Variants in DCAF7 observed in about 807,000 individuals in gnomAD.
DCAF7 encodes the protein DDB1- and CUL4-associated factor 7.
DCAF7 carries 4 observed loss-of-function variants against 41.2 expected under a neutral mutation model. The ratio of observed to expected loss-of-function variants is 0.10; its 90% CI spans 0.05 to 0.22. The LOEUF (loss-of-function observed/expected upper bound fraction) is 0.22. Ranked by LOEUF, DCAF7 falls within the 10% of genes least tolerant of loss-of-function variation. The probability of loss-of-function intolerance (pLI) is 1.00; values close to 1 mark genes in which losing one functional copy is unlikely to be tolerated. For synonymous variants in DCAF7, 143 were observed against 164.2 expected (o/e 0.87, Z 0.99); for missense variants, 131 against 443.2 (o/e 0.30, Z 6.32).
chr17:63,565,365 G>T (rs956316546), intron 1 of DCAF7, among the ~76,000 whole-genome samples: 1 of 151,918 alleles, frequency 6.6e-6, no homozygotes, highest in African/African-American at 2.4e-5. Context: ...ACCTGGGGTT[G>T]GGAGTTGGAG....
intron 1 of DCAF7, chr17:63,573,193 C>T (rs991877350): frequency 1.3e-5 from 2 of 152,146 alleles, no homozygotes; most frequent in African/African-American, 4.8e-5. Context: ...ACATAATAAT[C>T]ACAACTTGGA....
chr17:63,590,885 C>G lies in DCAF7; in HGVS notation c.*1713C>G, dbSNP rs1188592285. The G allele has an allele frequency of 6.6e-6, 1 of 152,180 alleles. No homozygotes were observed. Among genetic ancestry groups the G allele is most frequent in the Non-Finnish European group, 1.5e-5 (1 of 68,044 alleles). 9.4% of individuals were successfully genotyped at this position (152,180 alleles called of 1,614,324 possible). On this transcript the variant is annotated 3_prime_UTR_variant, in exon 7 of 7. Coordinates refer to ENST00000614556, the MANE Select transcript of DCAF7 (RefSeq NM_005828.5). Reference sequence around the variant, plus strand: ...GTAGATGTCATTATATGCCAAAAGTCTAGCTCTTTGCTTTACCATACAGGG... The same window carrying G: ...GTAGATGTCATTATATGCCAAAAGTGTAGCTCTTTGCTTTACCATACAGGG...
chr17:63,559,963 A>G (rs1189641614), intron 1 of DCAF7, among the ~76,000 whole-genome samples: 1 of 152,212 alleles, frequency 6.6e-6, no homozygotes, highest in Non-Finnish European at 1.5e-5. Flanking sequence ...AAGATAAGTG[A>G]CAAACTGAAA....
At chr17:63,562,170 G>A (rs1041477128) in intron 1 of DCAF7, among the ~76,000 whole-genome samples, 2 of 152,196 alleles carry the variant, frequency 1.3e-5, no homozygotes, top group African/African-American at 4.8e-5. Flanking sequence ...ATATATAAAT[G>A]TGAAATATGT....
intron 1 of DCAF7, among the ~76,000 whole-genome samples, chr17:63,574,692 G>A (rs180929712): frequency 1.3e-5 from 2 of 152,328 alleles, no homozygotes; most frequent in Admixed American, 1.3e-4. Flanking sequence ...CAGTTTCATG[G>A]TCAAGCACAG....
chr17:63,559,334 C>T lies in DCAF7; in HGVS notation c.138+8519C>T, dbSNP rs1343361756. 3.2e-3 allele frequency among the ~76,000 whole-genome samples: 205 copies of T among 64,992 alleles called. 3 individuals carry two copies. Among genetic ancestry groups the T allele is most frequent in the African/African-American group, 0.021 (202 of 9,734 alleles). 42.6% of individuals were successfully genotyped at this position (64,992 alleles called of 152,430 possible). On this transcript the variant is annotated intron_variant, in intron 1 of 6. Coordinates refer to ENST00000614556, the MANE Select transcript of DCAF7 (RefSeq NM_005828.5). ...ATATATATATATGTATATATATATA[C>T]ATACATATATATACGTATATATATG...
chr17:63,573,942 G>A (rs983396226), intron 1 of DCAF7, among the ~76,000 whole-genome samples: 1 of 152,060 alleles, frequency 6.6e-6, no homozygotes, highest in African/African-American at 2.4e-5. Flanking sequence ...TACCAGATGT[G>A]TGGCCCTCAG....
intron 4 of DCAF7, among the ~76,000 whole-genome samples, chr17:63,581,439 C>T (rs1338706821): frequency 1.3e-5 from 2 of 152,144 alleles, no homozygotes; most frequent in East Asian, 1.9e-4. Context: ...TGCCTATAGG[C>T]CAGAGGGACC....
chr17:63,554,103 G>A (rs1476778548), intron 1 of DCAF7, among the ~76,000 whole-genome samples: 3 of 152,206 alleles, frequency 2.0e-5, no homozygotes, highest in East Asian at 1.9e-4. Context: ...TACTTGGGAA[G>A]CTGAGGTAGG....
At chr17:63,552,504 A>T (rs1336790108) in intron 1 of DCAF7, 1 of 152,224 alleles carries the variant, frequency 6.6e-6, no homozygotes, top group African/African-American at 2.4e-5. Flanking sequence ...CTTATGGCCC[A>T]TAGTGGACAG....
Position 63,579,691 on chromosome 17 carries a change from G to A in DCAF7, c.410-134G>A, listed in dbSNP as rs79173705. On this transcript the variant is annotated intron_variant, in intron 3 of 6. Coordinates refer to ENST00000614556, the MANE Select transcript of DCAF7 (RefSeq NM_005828.5). ...ACTTGACTGCCTCGGTGGCTCTGCC[G>A]GTAGCCCCCACCTTGTTTTCTGTAG... is the stretch of plus-strand genomic sequence containing the variant. 1.4e-3 allele frequency: 1,111 copies of A among 775,984 alleles called. 14 individuals carry two copies. In the African/African-American group the frequency reaches 0.017, roughly 12 times the overall value. The allele number at this position is 775,984 out of a possible 1,614,324, so 48.1% of individuals were successfully genotyped here.
At chr17:63,584,341 G>A (rs546066274) in intron 5 of DCAF7, among the ~76,000 whole-genome samples, 149 of 152,260 alleles carry the variant, frequency 9.8e-4, no homozygotes, top group African/African-American at 3.4e-3. Context: ...GGTGGCATAC[G>A]CCTGTAGTTC....
intron 1 of DCAF7, among the ~76,000 whole-genome samples, chr17:63,559,407 A>ATGTG (rs58268977): frequency 9.3e-6 from 1 of 107,486 alleles, no homozygotes; most frequent in African/African-American, 5.1e-5. Context: ...ATGTATATAT[A>ATGTG]TGTATATATA....
intron 1 of DCAF7, among the ~76,000 whole-genome samples, chr17:63,564,492 G>A (rs563266111): frequency 1.3e-5 from 2 of 152,322 alleles, no homozygotes; most frequent in African/African-American, 4.8e-5. Flanking sequence ...CACTAATGTG[G>A]TGCTGCTCCC....
intron 6 of DCAF7, among the ~76,000 whole-genome samples, chr17:63,588,742 T>C (rs984568845): frequency 6.6e-6 from 1 of 152,158 alleles, no homozygotes; most frequent in African/African-American, 2.4e-5. Flanking sequence ...GGATAGAGCC[T>C]GGGGACATCT....
rs1257540569 is a variant in DCAF7 at position 63,593,917 on chromosome 17, T to C, written c.*4745T>C. 2 of 152,650 alleles carry C rather than the reference T, an allele frequency of 1.3e-5. No homozygotes were observed. Among genetic ancestry groups the C allele is most frequent in the Admixed American group, 1.3e-4 (2 of 15,274 alleles). 9.5% of individuals were successfully genotyped at this position (152,650 alleles called of 1,614,324 possible). A position where few individuals can be genotyped will look rare whatever the true frequency, so the allele number is the denominator to read the frequency against. Reference sequence around the variant, plus strand: ...TTCCATTCTTGTTATATATTTAAACTTTCCCTCTATATTATAGGTTTTGTG... The same window carrying C: ...TTCCATTCTTGTTATATATTTAAACCTTCCCTCTATATTATAGGTTTTGTG... On this transcript the variant is annotated 3_prime_UTR_variant, in exon 7 of 7. Transcript: ENST00000614556.
At chr17:63,557,232 T>C (rs901869185) in intron 1 of DCAF7, among the ~76,000 whole-genome samples, 5 of 151,886 alleles carry the variant, frequency 3.3e-5, no homozygotes, top group African/African-American at 1.2e-4. Flanking sequence ...AGCAGAGATA[T>C]AGAGGATTGG....
rs1457369015 is a variant in DCAF7, at chr17:63,589,169, G to GTAGT, written c.1027_*1dup. On this transcript the variant is annotated frameshift_variant and stop_retained_variant, in exon 7 of 7. Coordinates refer to ENST00000614556, the MANE Select transcript of DCAF7 (RefSeq NM_005828.5). LOFTEE classifies it high-confidence loss of function. ...ACAACTGCCTGGAGATACTCAGAGT[G>GTAGT]TAGTGTTGGTGGCGCTGTGCCCACG... 1 of 1,613,840 alleles carries GTAGT rather than the reference G, an allele frequency of 6.2e-7. No individual in the cohort carries two copies. Among genetic ancestry groups the GTAGT allele is most frequent in the South Asian group, 1.1e-5 (1 of 91,086 alleles).
At chr17:63,584,444 G>A (rs1169791835) in intron 5 of DCAF7, among the ~76,000 whole-genome samples, 1 of 151,676 alleles carries the variant, frequency 6.6e-6, no homozygotes, top group Non-Finnish European at 1.5e-5. Context: ...CTCAAGCCTG[G>A]GAGATAGAGC....
Sources: allele counts gnomAD v4.1 joint callset (sites outside exome capture counted in the v4.1 genomes callset), GRCh38; gene constraint gnomAD v4.1.1; transcripts MANE v1.5; gene names NCBI Gene and HGNC (gene_info 2026-07-23, HGNC 2026-07-21).